The following CHST11 variants were observed in gnomAD, a reference collection of about 807,000 sequenced individuals.
CHST11 encodes the protein C4S-1.
Under a neutral mutation model 30.4 loss-of-function variants are expected in CHST11, and 9 were observed. The ratio of observed to expected loss-of-function variants is 0.30; its 90% CI spans 0.18 to 0.52. The LOEUF is 0.52. CHST11 is among the 20% of genes least tolerant of loss of function. The pLI is 0.97. For synonymous variants in CHST11, 152 were observed against 187.8 expected (o/e 0.81, Z 1.56); for missense variants, 348 against 460.6 (o/e 0.76, Z 2.24).
At chr12:104,521,081 C>T (rs1297809719) in intron 1 of CHST11, among the ~76,000 whole-genome samples, 1 of 152,174 alleles carries the variant, frequency 6.6e-6, no homozygotes, top group Non-Finnish European at 1.5e-5. Context: ...TAGTTGATCT[C>T]AGTATCCTGT....
intron 1 of CHST11, among the ~76,000 whole-genome samples, chr12:104,492,245 C>T (rs929131305): frequency 1.3e-5 from 2 of 152,172 alleles, no homozygotes; most frequent in African/African-American, 4.8e-5. Flanking sequence ...TATGGGCACC[C>T]ACCACTACAC....
At chr12:104,603,365 C>T (rs1298121271) in intron 2 of CHST11, among the ~76,000 whole-genome samples, 1 of 152,190 alleles carries the variant, frequency 6.6e-6, no homozygotes, top group Non-Finnish European at 1.5e-5. Flanking sequence ...TACTGAAACA[C>T]TGCTGCAAAT....
At chr12:104,755,270 T>A (rs2040465245) in intron 2 of CHST11, among the ~76,000 whole-genome samples, 1 of 152,210 alleles carries the variant, frequency 6.6e-6, no homozygotes, top group Admixed American at 6.5e-5. Flanking sequence ...CGGATACAGC[T>A]GCATTCTCAG....
rs2038976800 is a variant in CHST11, at chr12:104,603,555, T to C, written c.204+1564T>C. On this transcript the variant is annotated intron_variant, in intron 2 of 2. Coordinates refer to ENST00000303694, the MANE Select transcript of CHST11 (RefSeq NM_018413.6). ...TCCAGGTTCAAATCCCGGCTTCATC[T>C]CTAACTAGTTGTGCAACCCTGAATA... Among the ~76,000 whole-genome samples, 4 of 152,354 alleles carry C rather than the reference T, an allele frequency of 2.6e-5. No individual in the cohort carries two copies. The South Asian group carries it at 8.3e-4, about 32-fold the overall frequency.
intron 2 of CHST11, among the ~76,000 whole-genome samples, chr12:104,643,010 A>T (rs780148900): frequency 6.6e-6 from 1 of 152,168 alleles, no homozygotes; most frequent in Non-Finnish European, 1.5e-5. Flanking sequence ...GGTTTTGTAC[A>T]TTTCATTTAC....
At chr12:104,521,023 T>A (rs189470446) in intron 1 of CHST11, among the ~76,000 whole-genome samples, 1 of 152,164 alleles carries the variant, frequency 6.6e-6, no homozygotes, top group East Asian at 1.9e-4. Context: ...TGTCTTTTTT[T>A]CCCCAGCTGC....
intron 2 of CHST11, among the ~76,000 whole-genome samples, chr12:104,660,568 A>G (rs1053688698): frequency 6.6e-6 from 1 of 152,238 alleles, no homozygotes; most frequent in Admixed American, 6.5e-5. Flanking sequence ...TGCAAACAGC[A>G]GGAGAGAAAG....
chr12:104,727,771 T>A (rs1045552665), intron 2 of CHST11, among the ~76,000 whole-genome samples: 1 of 152,204 alleles, frequency 6.6e-6, no homozygotes, highest in African/African-American at 2.4e-5. Context: ...GACACAGCCA[T>A]GAAAATGGCA....
intron 2 of CHST11, among the ~76,000 whole-genome samples, chr12:104,653,462 G>A (rs2039513451): frequency 2.0e-5 from 3 of 152,146 alleles, no homozygotes; most frequent in African/African-American, 7.2e-5. Flanking sequence ...CTACTGCGTG[G>A]TAGACAGTAC....
At chr12:104,680,834 G>T (rs895876573) in intron 2 of CHST11, among the ~76,000 whole-genome samples, 4 of 152,206 alleles carry the variant, frequency 2.6e-5, no homozygotes, top group Non-Finnish European at 4.4e-5. Flanking sequence ...CCGCCCCCCT[G>T]TTCCTGCTGT....
In CHST11 at chr12:104,729,904, G is replaced by A. The variant is rs1056809356; in HGVS notation, c.205-27045G>A. On this transcript the variant is annotated intron_variant, in intron 2 of 2. Transcript: ENST00000303694. The surrounding 1 kb of genome is among the most constrained non-coding windows in gnomAD (Gnocchi z 4.0). ...GCAAGGCCTCCTCCTCTGGCCGTGC[G>A]TGTCTGGCTGCTGGTTGGTGTCGGG... Among the ~76,000 whole-genome samples the A allele has an allele frequency of 4.6e-5, 7 of 152,202 alleles. No homozygotes were observed. Among genetic ancestry groups the A allele is most frequent in the South Asian group, 2.1e-4 (1 of 4,828 alleles).
At chr12:104,750,455 T>C (rs1429494933) in intron 2 of CHST11, among the ~76,000 whole-genome samples, 1 of 117,468 alleles carries the variant, frequency 8.5e-6, no homozygotes, top group African/African-American at 3.4e-5. Flanking sequence ...TTTTTTTTTT[T>C]TGTTGAGACT....
At chr12:104,742,104 T>C (rs2040352008) in intron 2 of CHST11, among the ~76,000 whole-genome samples, 1 of 152,222 alleles carries the variant, frequency 6.6e-6, no homozygotes, top group Non-Finnish European at 1.5e-5. Context: ...CCTTGTGGGC[T>C]CTCATCTAAT....
chr12:104,492,693 C>T (rs2037758315), intron 1 of CHST11, among the ~76,000 whole-genome samples: 1 of 152,206 alleles, frequency 6.6e-6, no homozygotes, highest in South Asian at 2.1e-4. Flanking sequence ...GAAGATACTA[C>T]CATGGGACAT....
At chr12:104,577,208 C>T (rs1356206184) in intron 1 of CHST11, among the ~76,000 whole-genome samples, 1 of 125,174 alleles carries the variant, frequency 8.0e-6, no homozygotes, top group African/African-American at 3.1e-5. Context: ...CGGTATGATT[C>T]GTGTATCTGA....
At chr12:104,488,691 G>T (rs747802723) in intron 1 of CHST11, among the ~76,000 whole-genome samples, 1 of 147,174 alleles carries the variant, frequency 6.8e-6, no homozygotes, top group Non-Finnish European at 1.5e-5. Context: ...CTGTGTATGC[G>T]TATGTGTGTG....
intron 1 of CHST11, among the ~76,000 whole-genome samples, chr12:104,505,902 T>C (rs2037900071): frequency 6.6e-6 from 1 of 152,232 alleles, no homozygotes; most frequent in Non-Finnish European, 1.5e-5. Context: ...GCATTATCTC[T>C]GTGATGGTGA....
intron 1 of CHST11, among the ~76,000 whole-genome samples, chr12:104,593,578 A>G (rs1350492519): frequency 6.6e-6 from 1 of 152,102 alleles, no homozygotes; most frequent in East Asian, 1.9e-4. Flanking sequence ...GGGACTGCCT[A>G]TTTGCTTGGT....
At chr12:104,590,922 A>T (rs1451656096) in intron 1 of CHST11, among the ~76,000 whole-genome samples, 3 of 145,290 alleles carry the variant, frequency 2.1e-5, no homozygotes, top group Non-Finnish European at 4.6e-5. Flanking sequence ...ACCCTGTCTT[A>T]AAAAAAAAAA....
Sources: allele counts gnomAD v4.1 joint callset (sites outside exome capture counted in the v4.1 genomes callset), GRCh38; gene constraint gnomAD v4.1.1; non-coding constraint Gnocchi (gnomAD v3.1); transcripts MANE v1.5; gene names NCBI Gene and HGNC (gene_info 2026-07-23, HGNC 2026-07-21).